Variants in CDH3 observed in about 807,000 individuals in gnomAD.
CDH3 encodes cadherin 3, also known as cadherin-3.
In CDH3, 54 loss-of-function variants were observed where a neutral mutation model predicts 82.0. That is an observed-to-expected ratio of 0.66 (90% confidence interval 0.53 to 0.83). CDH3 has a LOEUF of 0.83. Among genes scored for constraint, CDH3 ranks in the 40% least tolerant of loss-of-function variants. The pLI is 0.00. For missense variants in CDH3, 1,054 were observed against 1,084.6 expected (o/e 0.97, Z 0.40); for synonymous variants, 446 against 437.9 (o/e 1.02, Z -0.23).
At chr16:68,731,050 ATATATAT>A, downstream of CDH3, among the ~76,000 whole-genome samples, 2 of 25,350 alleles carry the variant, frequency 7.9e-5, no homozygotes, top group African/African-American at 2.0e-4. Flanking sequence ...AAAAAAAAAT[ATATATAT>A]ATATATATAT....
At position 68,695,297 on chromosome 16, in the gene CDH3, A is replaced by C. The variant is rs751644148; in HGVS notation, c.2045A>C (p.Lys682Thr). Reference protein sequence around the residue: ...VLLLLVRKKRKIKEPLLLPED... With the variant: ...VLLLLVRKKRTIKEPLLLPED... ...CTTTTGTTGGTGAGAAAGAAGCGGA[A>C]GATCAAGGAGCCCCTCCTACTCCCA... is the stretch of plus-strand genomic sequence containing the variant. The change falls in exon 14 of 16, where the codon AAG becomes ACG. Residue 682 changes from lysine to threonine, a missense_variant. Physicochemically the swap from Lys to Thr is moderately conservative, Grantham distance 78. Transcript: ENST00000264012. The C allele has an allele frequency of 1.2e-6, 2 of 1,614,108 alleles. No homozygotes were observed. Among genetic ancestry groups the C allele is most frequent in the Admixed American group, 3.3e-5 (2 of 60,006 alleles).
chr16:68,652,608 G>A (rs958290600), intron 2 of CDH3, among the ~76,000 whole-genome samples: 1 of 152,128 alleles, frequency 6.6e-6, no homozygotes, highest in Non-Finnish European at 1.5e-5. Flanking sequence ...CAAAAGTGCC[G>A]AAATGATGAG....
At chr16:68,723,707 G>T (rs1271838162) in intron 2 of CDH3, among the ~76,000 whole-genome samples, 6 of 152,102 alleles carry the variant, frequency 3.9e-5, no homozygotes, top group African/African-American at 1.2e-4. Context: ...AAGGTGGGTG[G>T]ATCACTTGAG....
At chr16:68,667,930 A>G (rs1474270295) in intron 2 of CDH3, among the ~76,000 whole-genome samples, 1 of 152,168 alleles carries the variant, frequency 6.6e-6, no homozygotes, top group Non-Finnish European at 1.5e-5. Flanking sequence ...AATGTGTCCT[A>G]TGATATTAAT....
intron 13 of CDH3, among the ~76,000 whole-genome samples, chr16:68,692,224 A>C (rs1262249413): frequency 6.6e-6 from 1 of 152,132 alleles, no homozygotes; most frequent in Non-Finnish European, 1.5e-5. Context: ...TTTTGTAAAA[A>C]TGGGGCCTCA....
Position 68,682,487 on chromosome 16 carries a change from G to T in CDH3, c.1182G>T (p.Lys394Asn). ...ESNQGILTTR[K>N]GLDFEAKNQH... is the part of the protein sequence containing the mutation. ...ACCAGGGCATCCTGACAACCAGGAA[G>T]GTGAGTCAGTTCGGGCCTCAGACAA... is the stretch of plus-strand genomic sequence containing the variant. The change falls in exon 9 of 16, where the codon AAG becomes AAT. Residue 394 changes from lysine (K) to asparagine (N), a missense_variant and splice_region_variant. Coordinates refer to ENST00000264012, the MANE Select transcript of CDH3 (RefSeq NM_001793.6). 1 of 1,614,056 alleles carries T rather than the reference G, an allele frequency of 6.2e-7. No homozygotes were observed. Among genetic ancestry groups the T allele is most frequent in the Non-Finnish European group, 8.5e-7 (1 of 1,179,998 alleles).
In CDH3 at chr16:68,669,315, T is replaced by G. The variant is rs1443955932; in HGVS notation, c.161-7070T>G. On this transcript the variant is annotated intron_variant, in intron 2 of 15. Coordinates refer to ENST00000264012, the MANE Select transcript of CDH3 (RefSeq NM_001793.6). The stretch of plus-strand genomic sequence containing the variant: ...CTGGACCATTGCCCCTTGGTTGTGC[T>G]CTGTACCCAACTCAAAGCAGTTTAG... Among the ~76,000 whole-genome samples, 78 of 152,158 alleles carry G rather than the reference T, an allele frequency of 5.1e-4. 1 individual carries two copies. Among genetic ancestry groups the G allele is most frequent in the Non-Finnish European group, 7.3e-5 (5 of 68,030 alleles).
At chr16:68,664,143 G>A (rs1010617301) in intron 2 of CDH3, among the ~76,000 whole-genome samples, 1 of 152,126 alleles carries the variant, frequency 6.6e-6, no homozygotes, top group East Asian at 1.9e-4. Flanking sequence ...CTGATGCCCG[G>A]ATTCTGTTCT....
intron 2 of CDH3, among the ~76,000 whole-genome samples, chr16:68,657,479 A>C (rs1291248508): frequency 2.0e-5 from 3 of 152,074 alleles, no homozygotes; most frequent in Non-Finnish European, 2.9e-5. Context: ...GCACCACTGC[A>C]CTCCAGCCTG....
chr16:68,645,563 C>T (rs1960028440), intron 1 of CDH3, 73 bp from the exon 2 acceptor site: 8 of 1,457,598 alleles, frequency 5.5e-6, no homozygotes, highest in Non-Finnish European at 7.5e-6. Context: ...CCCGTGAGGA[C>T]CCTGCGGTGT....
At chr16:68,705,706 G>A (rs1215579432) in intron 1 of CDH3, among the ~76,000 whole-genome samples, 1 of 151,392 alleles carries the variant, frequency 6.6e-6, no homozygotes, top group Non-Finnish European at 1.5e-5. Context: ...ACAGGCGTGA[G>A]CCGCCGTGCC....
chr16:68,688,413 C>A (rs1003093627), intron 12 of CDH3, among the ~76,000 whole-genome samples: 1 of 151,898 alleles, frequency 6.6e-6, no homozygotes, highest in Non-Finnish European at 1.5e-5. Context: ...TATGGTGAAA[C>A]CCCGTCTCTA....
At chr16:68,695,528 A>C in intron 14 of CDH3, 143 bp downstream of exon 14, 1 of 919,666 alleles carries the variant, frequency 1.1e-6, no homozygotes, top group Non-Finnish European at 1.7e-6. Context: ...AACATCCTCC[A>C]GCACTTCTCT....
chr16:68,702,268 G>C (rs2152108905), downstream of CDH3, among the ~76,000 whole-genome samples: 1 of 152,228 alleles, frequency 6.6e-6, no homozygotes, highest in Non-Finnish European at 1.5e-5. Context: ...CAGTTTGGAT[G>C]TGTTATTTAA....
chr16:68,693,217 A>G (rs1171969486), intron 13 of CDH3, among the ~76,000 whole-genome samples: 1 of 152,224 alleles, frequency 6.6e-6, no homozygotes, highest in Non-Finnish European at 1.5e-5. Flanking sequence ...TAGAACTGAA[A>G]GTTATCAGAA....
At chr16:68,701,445 G>A (rs1018667175), downstream of CDH3, among the ~76,000 whole-genome samples, 7 of 152,142 alleles carry the variant, frequency 4.6e-5, no homozygotes, top group Admixed American at 1.3e-4. Flanking sequence ...AACAACTGAT[G>A]TGCTGGCCAT....
downstream of CDH3, among the ~76,000 whole-genome samples, chr16:68,705,204 C>T (rs371622516): frequency 1.3e-5 from 2 of 152,262 alleles, no homozygotes. Flanking sequence ...GCAGATGGGG[C>T]CGTGGGGCAG....
At chr16:68,677,098 CAT>C (rs1291145799) in intron 3 of CDH3, among the ~76,000 whole-genome samples, 3 of 152,114 alleles carry the variant, frequency 2.0e-5, no homozygotes, top group African/African-American at 7.2e-5. Context: ...CATGTTTTTA[CAT>C]GTTACCTATT....
chr16:68,700,731 A>G (rs929174533), downstream of CDH3, among the ~76,000 whole-genome samples: 13 of 152,314 alleles, frequency 8.5e-5, no homozygotes, highest in African/African-American at 3.1e-4. Flanking sequence ...TGTGGCGCCT[A>G]TAATCCCAGC....
Sources: gnomAD v4.1 joint callset for allele counts (sites outside exome capture counted in the v4.1 genomes callset) on GRCh38, gnomAD v4.1.1 for gene constraint, MANE v1.5 for transcripts, NCBI Gene and HGNC (gene_info 2026-07-23, HGNC 2026-07-21) for gene names.